Variants in NPHP4 observed in about 807,000 individuals in gnomAD.
NPHP4 encodes nephrocystin-4.
NPHP4 carries 151 observed loss-of-function variants against 155.8 expected under a neutral mutation model. That is an observed-to-expected ratio of 0.97 (90% CI 0.85 to 1.11). The LOEUF is 1.11. Among genes scored for constraint, NPHP4 ranks in the 50% least tolerant of loss-of-function variants. NPHP4 has a pLI of 0.00. For missense variants in NPHP4, 1,956 were observed against 1,925.7 expected (o/e 1.02, Z -0.29); for synonymous variants, 845 against 816.8 (o/e 1.03, Z -0.59).
chr1:5,967,193 G>A (rs1651678560), intron 5 of NPHP4, 106 bp downstream of exon 5: 3 of 866,180 alleles, frequency 3.5e-6, no homozygotes, highest in Non-Finnish European at 5.5e-6. Context: ...TAGCTAAGCA[G>A]ATAGCAGTTT....
chr1:5,880,321 T>C, intron 18 of NPHP4, 82 bp from the exon 19 acceptor site: 1 of 1,483,280 alleles, frequency 6.7e-7, no homozygotes, highest in Non-Finnish European at 9.3e-7. Context: ...CATAAGCGGC[T>C]GTGGCTTTCA....
intron 4 of NPHP4, among the ~76,000 whole-genome samples, chr1:5,968,696 C>T (rs1049669970): frequency 4.6e-5 from 7 of 152,114 alleles, no homozygotes; most frequent in African/African-American, 1.7e-4. Context: ...CAGCCTTCTA[C>T]TGCCACCATA....
chr1:5,889,949 C>A lies in NPHP4; in HGVS notation c.2304+919G>T, dbSNP rs1156290196. Among the ~76,000 whole-genome samples, 1 of 152,232 alleles carries A rather than the reference C, an allele frequency of 6.6e-6. No individual in the cohort carries two copies. Among genetic ancestry groups the A allele is most frequent in the Non-Finnish European group, 1.5e-5 (1 of 68,040 alleles). On this transcript the variant is annotated intron_variant, in intron 17 of 29. Coordinates refer to ENST00000378156, the MANE Select transcript of NPHP4 (RefSeq NM_015102.5). This position sits in a 1 kb window ranked among gnomAD's most constrained non-coding sequence, Gnocchi z 4.2. Reference sequence around the variant, plus strand: ...AGGGATGGAGCCTGGATCAGTCGGTCACACGGGGAGCCAAGAGCAGACCAT... The same window carrying A: ...AGGGATGGAGCCTGGATCAGTCGGTAACACGGGGAGCCAAGAGCAGACCAT...
chr1:5,963,648 G>T (rs921118662), intron 5 of NPHP4, among the ~76,000 whole-genome samples: 2 of 151,676 alleles, frequency 1.3e-5, no homozygotes, highest in Non-Finnish European at 2.9e-5. Flanking sequence ...TCAGGGGAAG[G>T]GCGGACGCCC....
At position 5,870,874 on chromosome 1, in the gene NPHP4, CAGA is replaced by C. The variant is rs1478350366; in HGVS notation, c.3315+2375_3315+2377del. On this transcript the variant is annotated intron_variant, in intron 23 of 29. Transcript: ENST00000378156. ...CACTTCACAACAGCTGCAGCCACGC[CAGA>C]AGGACTCCATGGGCAGCAGGCTGGT... 2.0e-5 allele frequency among the ~76,000 whole-genome samples: 3 copies of C among 152,334 alleles called. No homozygotes were observed. In the East Asian group the frequency reaches 5.8e-4, roughly 29 times the overall value.
intron 5 of NPHP4, among the ~76,000 whole-genome samples, chr1:5,965,767 G>A (rs945027290): frequency 6.6e-6 from 1 of 152,234 alleles, no homozygotes; most frequent in Non-Finnish European, 1.5e-5. Context: ...CTGCTGCCCA[G>A]CGATCACCCA....
intron 8 of NPHP4, among the ~76,000 whole-genome samples, chr1:5,947,759 A>G (rs1021756571): frequency 6.6e-5 from 10 of 152,168 alleles, no homozygotes; most frequent in African/African-American, 2.4e-4. Context: ...CCGTCCTATG[A>G]GAAACTAATC....
At position 5,863,437 on chromosome 1, in the gene NPHP4, C is replaced by T. The variant is rs112561195; in HGVS notation, c.4141-32G>A. 4,284 of 1,608,280 alleles carry T rather than the reference C, an allele frequency of 2.7e-3. 13 individuals carry two copies. Among genetic ancestry groups the T allele is most frequent in the Non-Finnish European group, 2.9e-3 (3,408 of 1,175,178 alleles). On this transcript the variant is annotated intron_variant, in intron 29 of 29. Coordinates refer to ENST00000378156, the MANE Select transcript of NPHP4 (RefSeq NM_015102.5). The stretch of plus-strand genomic sequence containing the variant: ...ATAAGCATCCAAATCCCAGCATCCA[C>T]CCCCGGGCTGTCCCACGCTCTCACC...
At chr1:5,966,779 TCATCCTC>T (rs1406368635) in intron 5 of NPHP4, among the ~76,000 whole-genome samples, 1 of 151,946 alleles carries the variant, frequency 6.6e-6, no homozygotes, top group Non-Finnish European at 1.5e-5. Flanking sequence ...GCCCTTCCTG[TCATCCTC>T]CAGGCAGGCA....
chr1:5,873,188 A>G, intron 23 of NPHP4, 64 bp downstream of exon 23: 1 of 1,388,794 alleles, frequency 7.2e-7, no homozygotes, highest in Non-Finnish European at 1.0e-6. Context: ...GAAGGACACA[A>G]GGGTCAGGCC....
intron 7 of NPHP4, among the ~76,000 whole-genome samples, chr1:5,952,478 CCAGA>C (rs1034703371): frequency 6.6e-6 from 1 of 152,160 alleles, no homozygotes; most frequent in African/African-American, 2.4e-5. Flanking sequence ...CAATTCACCT[CCAGA>C]AAGAGGGGAA....
rs1243395647 is a variant in NPHP4 at position 5,892,457 on chromosome 1, C to G, written c.2144-1429G>C. Reference sequence around the variant, plus strand: ...AGGGTGGGGCCCTGCTTGTCCAGTTCTCCCAGCACTACCCTGTGCAGGGCC... The same window carrying G: ...AGGGTGGGGCCCTGCTTGTCCAGTTGTCCCAGCACTACCCTGTGCAGGGCC... On this transcript the variant is annotated intron_variant, in intron 16 of 29. Transcript: ENST00000378156. The surrounding 1 kb of genome is among the most constrained non-coding windows in gnomAD (Gnocchi z 4.5). Among the ~76,000 whole-genome samples, 1 of 152,156 alleles carries G rather than the reference C, an allele frequency of 6.6e-6. No individual in the cohort carries two copies. The highest frequency in any genetic ancestry group is 1.5e-5 in the Non-Finnish European group (1 of 68,016).
At chr1:5,914,017 T>C (rs1192100267) in intron 11 of NPHP4, among the ~76,000 whole-genome samples, 1 of 151,982 alleles carries the variant, frequency 6.6e-6, no homozygotes, top group Non-Finnish European at 1.5e-5. Context: ...CGCTTCTTCA[T>C]CACGCACGCG....
intron 5 of NPHP4, among the ~76,000 whole-genome samples, chr1:5,962,785 C>T (rs1031362275): frequency 1.3e-5 from 2 of 152,236 alleles, no homozygotes; most frequent in Non-Finnish European, 2.9e-5. Context: ...AGTGCGGCTA[C>T]ACCGCAGGGC....
chr1:5,905,450 C>A lies in NPHP4; in HGVS notation c.1797G>T (p.Val599=), dbSNP rs776240800. 1.2e-6 allele frequency: 2 copies of A among 1,609,122 alleles called. No individual in the cohort carries two copies. The highest frequency in any genetic ancestry group is 1.7e-6 in the Non-Finnish European group (2 of 1,175,922). The change falls in exon 15 of 30, where the codon GTG becomes GTT. Residue 599 remains valine, a synonymous_variant. Transcript: ENST00000378156. The surrounding 1 kb of genome is among the most constrained non-coding windows in gnomAD (Gnocchi z 4.0). ...CGGGAAAGCCGGAGGACTGCAGGAG[C>A]ACCATGGAGGCTCTCGAGGGCTGCC... ...SAGQPSRASM[V]LLQSSGFPEI...
intron 3 of NPHP4, among the ~76,000 whole-genome samples, chr1:5,969,698 C>T (rs1652215556): frequency 6.6e-6 from 1 of 152,208 alleles, no homozygotes; most frequent in South Asian, 2.1e-4. Flanking sequence ...ACTAAAAAGA[C>T]ACGCACGTGC....
chr1:5,899,542 C>T (rs1332074494), intron 16 of NPHP4, among the ~76,000 whole-genome samples: 2 of 152,148 alleles, frequency 1.3e-5, no homozygotes, highest in Non-Finnish European at 2.9e-5. Context: ...GTTCCAGAGC[C>T]CCTTCCGGGC....
At position 5,893,551 on chromosome 1, in the gene NPHP4, A is replaced by G. The variant is rs541389700; in HGVS notation, c.2144-2523T>C. ...TACTTTCACTAATTTTGCTCCTGCTATCTAGAAGGCAGAGCCAGGTGGACA... is the reference window on the plus strand; with the variant it reads ...TACTTTCACTAATTTTGCTCCTGCTGTCTAGAAGGCAGAGCCAGGTGGACA... On this transcript the variant is annotated intron_variant, in intron 16 of 29. Coordinates refer to ENST00000378156, the MANE Select transcript of NPHP4 (RefSeq NM_015102.5). Among the ~76,000 whole-genome samples the G allele has an allele frequency of 3.2e-4, 49 of 152,324 alleles. No individual in the cohort carries two copies. The South Asian group carries it at 5.2e-3, about 16-fold the overall frequency.
chr1:5,875,239 A>G, intron 20 of NPHP4, 139 bp from the exon 21 acceptor site: 2 of 729,936 alleles, frequency 2.7e-6, no homozygotes, highest in Admixed American at 4.1e-5. Flanking sequence ...CCCTTCCTTG[A>G]CCATGTGGTC....
Sources: gnomAD v4.1 joint callset for allele counts (sites outside exome capture counted in the v4.1 genomes callset) on GRCh38, gnomAD v4.1.1 for gene constraint, Gnocchi (gnomAD v3.1) non-coding constraint, MANE v1.5 for transcripts, NCBI Gene and HGNC (gene_info 2026-07-23, HGNC 2026-07-21) for gene names.